The following MMP16 variants were observed in gnomAD, a reference collection of about 807,000 sequenced individuals.
MMP16 encodes the protein matrix metalloproteinase-16.
Under a neutral mutation model 67.8 loss-of-function variants are expected in MMP16, and 12 were observed. The ratio of observed to expected loss-of-function variants is 0.18; its 90% CI spans 0.11 to 0.29. MMP16 has a LOEUF of 0.29. Among genes scored for constraint, MMP16 ranks in the 10% least tolerant of loss-of-function variants. The pLI, the probability that MMP16 is intolerant of heterozygous loss-of-function variation, is 1.00. For missense variants in MMP16, 475 were observed against 765.7 expected (o/e 0.62, Z 4.48); for synonymous variants, 249 against 255.9 (o/e 0.97, Z 0.26).
At chr8:88,113,987 G>T (rs1259633415) in intron 6 of MMP16, among the ~76,000 whole-genome samples, 1 of 151,904 alleles carries the variant, frequency 6.6e-6, no homozygotes, top group African/African-American at 2.4e-5. Flanking sequence ...AAAGTTTAGT[G>T]GGGAAAACAT....
chr8:88,276,390 G>A (rs1240567240), intron 1 of MMP16, among the ~76,000 whole-genome samples: 1 of 152,040 alleles, frequency 6.6e-6, no homozygotes, highest in Non-Finnish European at 1.5e-5. Flanking sequence ...CATTTCCCTT[G>A]AGGATAATTC....
intron 4 of MMP16, among the ~76,000 whole-genome samples, chr8:88,163,481 A>C (rs1486217083): frequency 6.6e-6 from 1 of 152,046 alleles, no homozygotes; most frequent in Non-Finnish European, 1.5e-5. Flanking sequence ...GCGTAACTGC[A>C]ATGTATTCTT....
chr8:88,318,771 C>T (rs376476385), intron 1 of MMP16, among the ~76,000 whole-genome samples: 4 of 152,134 alleles, frequency 2.6e-5, no homozygotes, highest in Non-Finnish European at 4.4e-5. Flanking sequence ...ACATTTAGAA[C>T]ACTTATTAGG....
At chr8:88,307,607 T>C (rs73692222) in intron 1 of MMP16, among the ~76,000 whole-genome samples, 15,407 of 152,024 alleles carry the variant, frequency 0.1, 939 homozygotes, top group South Asian at 0.17. Flanking sequence ...CTTTTTTAGG[T>C]TAATAATTGA....
chr8:88,245,144 G>A (rs1431313051), intron 1 of MMP16, among the ~76,000 whole-genome samples: 5 of 152,068 alleles, frequency 3.3e-5, no homozygotes, highest in Non-Finnish European at 7.4e-5. Flanking sequence ...TCTAACTATG[G>A]CTAAAAGGTG....
intron 6 of MMP16, among the ~76,000 whole-genome samples, chr8:88,098,662 C>A (rs751280730): frequency 6.6e-6 from 1 of 151,912 alleles, no homozygotes; most frequent in Non-Finnish European, 1.5e-5. Flanking sequence ...AAATTCATAA[C>A]ATTCATTGAC....
At chr8:88,104,121 T>C (rs540313395) in intron 6 of MMP16, among the ~76,000 whole-genome samples, 1 of 151,882 alleles carries the variant, frequency 6.6e-6, no homozygotes, top group East Asian at 1.9e-4. Context: ...AAGCTTCTTT[T>C]ATATCACTGT....
intron 6 of MMP16, among the ~76,000 whole-genome samples, chr8:88,104,620 TAATA>T (rs1174074386): frequency 2.2e-5 from 3 of 136,104 alleles, no homozygotes; most frequent in African/African-American, 5.4e-5. Context: ...CACTTGATAA[TAATA>T]AATATGTTAA....
At chr8:88,183,152 A>C (rs1335592080) in intron 3 of MMP16, among the ~76,000 whole-genome samples, 1 of 152,236 alleles carries the variant, frequency 6.6e-6, no homozygotes, top group Non-Finnish European at 1.5e-5. Context: ...GACATTATAC[A>C]CTTATCAAAA....
intron 1 of MMP16, among the ~76,000 whole-genome samples, chr8:88,256,553 C>T (rs1810303567): frequency 6.6e-6 from 1 of 152,056 alleles, no homozygotes; most frequent in African/African-American, 2.4e-5. Flanking sequence ...TTGAATCAAA[C>T]CGACTTTTTC....
At chr8:88,302,063 A>T (rs901506509) in intron 1 of MMP16, among the ~76,000 whole-genome samples, 2 of 152,208 alleles carry the variant, frequency 1.3e-5, no homozygotes, top group African/African-American at 2.4e-5. Flanking sequence ...AGAACACTGG[A>T]AAGTCCCATT....
intron 1 of MMP16, among the ~76,000 whole-genome samples, chr8:88,303,396 A>T (rs1307469805): frequency 6.6e-6 from 1 of 152,164 alleles, no homozygotes; most frequent in Non-Finnish European, 1.5e-5. Context: ...CCAGCTCTGG[A>T]GAGTCTAGCC....
intron 4 of MMP16, 79 bp downstream of exon 4, chr8:88,167,590 G>A: frequency 7.3e-7 from 1 of 1,375,878 alleles, no homozygotes; most frequent in East Asian, 2.4e-5. Context: ...TATACCTTAA[G>A]TTTGTAAATT....
At chr8:88,221,689 A>T (rs1021984550) in intron 1 of MMP16, among the ~76,000 whole-genome samples, 1 of 152,112 alleles carries the variant, frequency 6.6e-6, no homozygotes, top group Non-Finnish European at 1.5e-5. Flanking sequence ...CTTCCAAAAA[A>T]CACAGTACAA....
At chr8:88,239,276 CAG>C (rs1427298814) in intron 1 of MMP16, among the ~76,000 whole-genome samples, 1 of 103,314 alleles carries the variant, frequency 9.7e-6, no homozygotes, top group Non-Finnish European at 1.7e-5. Flanking sequence ...GCCTGGGAGA[CAG>C]AGACAGACGC....
At chr8:88,129,033 A>T (rs755244884) in intron 4 of MMP16, among the ~76,000 whole-genome samples, 1 of 151,834 alleles carries the variant, frequency 6.6e-6, no homozygotes, top group Non-Finnish European at 1.5e-5. Context: ...TTAACCAGAA[A>T]TCAAGTGAAA....
intron 3 of MMP16, among the ~76,000 whole-genome samples, chr8:88,183,156 A>G (rs1809008319): frequency 1.3e-5 from 2 of 152,236 alleles, no homozygotes; most frequent in Admixed American, 1.3e-4. Context: ...TTATACACTT[A>G]TCAAAATCTA....
rs1808060480 is a variant in MMP16 at position 88,036,828 on chromosome 8, G to A, written c.*4633C>T. On this transcript the variant is annotated 3_prime_UTR_variant, in exon 10 of 10. Transcript: ENST00000286614. The stretch of plus-strand genomic sequence containing the variant: ...CTTGAAAGCATCAGAAATGAAATAA[G>A]CTCTTTACTGTGTTTGCTAAAAAAG... 6.6e-6 allele frequency: 1 copy of A among 151,546 alleles called. No individual in the cohort carries two copies. Among genetic ancestry groups the A allele is most frequent in the Non-Finnish European group, 1.5e-5 (1 of 67,718 alleles). 9.4% of individuals were successfully genotyped at this position (151,546 alleles called of 1,614,324 possible). A position where few individuals can be genotyped will look rare whatever the true frequency, so the allele number is the denominator to read the frequency against.
rs1346217698 is a variant in MMP16 at position 88,035,150 on chromosome 8, T to C, written c.*6311A>G. 6.6e-6 allele frequency: 1 copy of C among 152,058 alleles called. No individual in the cohort carries two copies. Among genetic ancestry groups the C allele is most frequent in the African/African-American group, 2.4e-5 (1 of 41,446 alleles). The allele number at this position is 152,058 out of a possible 1,614,324, so 9.4% of individuals were successfully genotyped here. ...TTCACCATTCTTTTCTTCCAGTTTT[T>C]CTCTGTGAAATAAAGGTTAATGACA... On this transcript the variant is annotated 3_prime_UTR_variant, in exon 10 of 10. Coordinates refer to ENST00000286614, the MANE Select transcript of MMP16 (RefSeq NM_005941.5). This position sits in a 1 kb window ranked among gnomAD's most constrained non-coding sequence, Gnocchi z 4.7.
Sources: allele counts gnomAD v4.1 joint callset (sites outside exome capture counted in the v4.1 genomes callset), GRCh38; gene constraint gnomAD v4.1.1; non-coding constraint Gnocchi (gnomAD v3.1); transcripts MANE v1.5; gene names NCBI Gene and HGNC (gene_info 2026-07-23, HGNC 2026-07-21).